Variants in SV2C observed in about 807,000 individuals in gnomAD.
The protein encoded by SV2C is solute carrier family 22 member B3.
In SV2C, 49 loss-of-function variants were observed where a neutral mutation model predicts 79.7. The observed-to-expected ratio is 0.61, with a 90% CI of 0.49 to 0.78. The LOEUF (loss-of-function observed/expected upper bound fraction) is 0.78. SV2C is among the 30% of genes least tolerant of loss of function. The pLI, the probability that SV2C is intolerant of heterozygous loss-of-function variation, is 0.00. For synonymous variants in SV2C, 334 were observed against 333.2 expected (o/e 1.00, Z -0.03); for missense variants, 833 against 912.9 (o/e 0.91, Z 1.13).
At chr5:75,976,559 T>G in the SV2C span, among the ~76,000 whole-genome samples, 1 of 151,956 alleles carries the variant, frequency 6.6e-6, no homozygotes, top group Non-Finnish European at 1.5e-5. Flanking sequence ...CCTTATATAG[T>G]CTTCCCAGAG....
chr5:76,138,850 G>A (rs963546546), intron 2 of SV2C, among the ~76,000 whole-genome samples: 2 of 152,220 alleles, frequency 1.3e-5, no homozygotes, highest in African/African-American at 4.8e-5. Context: ...CGGGCACAGC[G>A]GCTCACGCCT....
the SV2C span, among the ~76,000 whole-genome samples, chr5:76,025,706 G>A: frequency 6.6e-6 from 1 of 152,128 alleles, no homozygotes; most frequent in Non-Finnish European, 1.5e-5. Flanking sequence ...AATGTAGTAT[G>A]GTGACCATGA....
chr5:76,159,423 C>T (rs1742834834), intron 2 of SV2C, among the ~76,000 whole-genome samples: 1 of 152,064 alleles, frequency 6.6e-6, no homozygotes. Context: ...TAAACAAGTC[C>T]AGCAAGTACA....
intron 1 of SV2C, among the ~76,000 whole-genome samples, chr5:76,110,652 G>A (rs1748068953): frequency 6.6e-6 from 1 of 152,238 alleles, no homozygotes; most frequent in Non-Finnish European, 1.5e-5. Context: ...AGTGAGTTCT[G>A]GGCACAGGAG....
intron 2 of SV2C, among the ~76,000 whole-genome samples, chr5:76,153,842 G>T (rs1250825004): frequency 1.3e-5 from 2 of 152,178 alleles, no homozygotes; most frequent in African/African-American, 4.8e-5. Context: ...TTGAATCCTA[G>T]ATCTGTCAGT....
At chr5:75,857,275 T>C in the SV2C span, among the ~76,000 whole-genome samples, 8 of 152,068 alleles carry the variant, frequency 5.3e-5, no homozygotes, top group Admixed American at 5.2e-4. Flanking sequence ...TCCATTTTGA[T>C]TTGATTTTTT....
chr5:76,350,626 A>G (rs1453756683), intron 12 of SV2C, among the ~76,000 whole-genome samples: 1 of 152,240 alleles, frequency 6.6e-6, no homozygotes, highest in Non-Finnish European at 1.5e-5. Flanking sequence ...AAATATTTCT[A>G]GGCACCAAAG....
intron 2 of SV2C, among the ~76,000 whole-genome samples, chr5:76,162,334 C>T (rs150831477): frequency 6.6e-6 from 1 of 152,234 alleles, no homozygotes; most frequent in East Asian, 1.9e-4. Context: ...CTTTATGTTG[C>T]GATGTTACAA....
chr5:76,290,022 T>C (rs1747502946), intron 6 of SV2C, among the ~76,000 whole-genome samples: 1 of 151,906 alleles, frequency 6.6e-6, no homozygotes, highest in African/African-American at 2.4e-5. Flanking sequence ...TATCGATGAG[T>C]GAAAAAGCGG....
intron 1 of SV2C, among the ~76,000 whole-genome samples, chr5:76,117,991 G>A (rs780034112): frequency 1.3e-5 from 2 of 152,142 alleles, no homozygotes; most frequent in Non-Finnish European, 2.9e-5. Context: ...CTTCCTATAT[G>A]AAGAGCTCTT....
intron 1 of SV2C, among the ~76,000 whole-genome samples, chr5:76,092,455 C>G (rs1386427557): frequency 6.6e-6 from 1 of 152,124 alleles, no homozygotes; most frequent in African/African-American, 2.4e-5. Context: ...GTACTCAATA[C>G]AACTATTTTC....
At chr5:76,289,526 C>G (rs1267385920) in intron 6 of SV2C, among the ~76,000 whole-genome samples, 1 of 152,166 alleles carries the variant, frequency 6.6e-6, no homozygotes, top group East Asian at 1.9e-4. Flanking sequence ...GTACCACAAG[C>G]ACCACCTAAA....
the SV2C span, among the ~76,000 whole-genome samples, chr5:75,916,441 C>T: frequency 6.8e-6 from 1 of 147,352 alleles, no homozygotes; most frequent in Non-Finnish European, 1.5e-5. Flanking sequence ...CTCCCCTTCT[C>T]CTCTCCTCCT....
the SV2C span, among the ~76,000 whole-genome samples, chr5:75,944,912 G>A: frequency 2.0e-4 from 30 of 152,062 alleles, no homozygotes; most frequent in South Asian, 6.2e-3. Flanking sequence ...GGACTGTCTT[G>A]GCTAAAAAAA....
chr5:76,240,045 C>G (rs1745734368), intron 4 of SV2C, among the ~76,000 whole-genome samples: 1 of 152,148 alleles, frequency 6.6e-6, no homozygotes, highest in Non-Finnish European at 1.5e-5. Context: ...GCTTTTTATT[C>G]TGCACCATTC....
the SV2C span, among the ~76,000 whole-genome samples, chr5:75,900,292 G>A: frequency 2.0e-5 from 3 of 152,124 alleles, no homozygotes; most frequent in African/African-American, 7.2e-5. Flanking sequence ...TTGCTTGTTT[G>A]TAAAGGATTT....
chr5:75,850,413 A>C, the SV2C span, among the ~76,000 whole-genome samples: 2 of 152,328 alleles, frequency 1.3e-5, no homozygotes, highest in Admixed American at 1.3e-4. Context: ...TTTTATTAGG[A>C]TTTTAAGCTT....
the SV2C span, among the ~76,000 whole-genome samples, chr5:75,899,691 A>G: frequency 2.6e-4 from 40 of 152,148 alleles, no homozygotes; most frequent in African/African-American, 7.0e-4. Context: ...TTATTATTGA[A>G]TGGGAGTCTA....
intron 2 of SV2C, among the ~76,000 whole-genome samples, chr5:76,142,090 A>G (rs1197023476): frequency 1.3e-5 from 2 of 152,158 alleles, no homozygotes; most frequent in East Asian, 3.9e-4. Flanking sequence ...TGTTCATCAG[A>G]TTCATCTTAA....
Sources: allele counts gnomAD v4.1 joint callset (sites outside exome capture counted in the v4.1 genomes callset), GRCh38; gene constraint gnomAD v4.1.1; transcripts MANE v1.5; gene names NCBI Gene and HGNC (gene_info 2026-07-23, HGNC 2026-07-21).